The following CGAS variants were observed in gnomAD, a reference collection of about 807,000 sequenced individuals.
CGAS encodes the protein 2'3'-cGAMP synthase.
A neutral mutation model predicts 34.0 loss-of-function variants in CGAS; 31 were observed. The observed-to-expected ratio is 0.91, with a 90% CI of 0.69 to 1.23. The LOEUF (loss-of-function observed/expected upper bound fraction) is 1.23. Ranked by LOEUF, CGAS falls within the 50% of genes most tolerant of loss-of-function variation. The pLI, the probability that CGAS is intolerant of heterozygous loss-of-function variation, is 0.00. For missense variants in CGAS, 597 were observed against 657.6 expected, an observed-to-expected ratio of 0.91 and a Z score of 1.01; for synonymous variants, 266 against 260.0, an observed-to-expected ratio of 1.02 and a Z score of -0.22.
chr6:73,428,526 C>T (rs939739983), intron 4 of CGAS, among the ~76,000 whole-genome samples, 183 bp downstream of exon 4: 2 of 152,072 alleles, frequency 1.3e-5, no homozygotes, highest in African/African-American at 2.4e-5. Context: ...CTAACAACAC[C>T]CTTTCCTTGG....
chr6:73,434,900 G>A (rs573297505), intron 3 of CGAS, among the ~76,000 whole-genome samples: 1 of 152,080 alleles, frequency 6.6e-6, no homozygotes, highest in African/African-American at 2.4e-5. Context: ...TGCCCACCTC[G>A]GCCTCCCAAA....
chr6:73,428,683 G>A, intron 4 of CGAS, 26 bp downstream of exon 4: 2 of 1,588,654 alleles, frequency 1.3e-6, no homozygotes, highest in Non-Finnish European at 8.6e-7. Flanking sequence ...TAGATAATCT[G>A]TCATTTAACA....
At chr6:73,439,965 GA>G (rs1239106935) in intron 3 of CGAS, 8 of 426,668 alleles carry the variant, frequency 1.9e-5, no homozygotes, top group Non-Finnish European at 2.9e-5. Flanking sequence ...TTTCTTTACC[GA>G]AAAAAATAAA....
chr6:73,444,668 T>A (rs2150815619), intron 2 of CGAS, among the ~76,000 whole-genome samples: 1 of 152,264 alleles, frequency 6.6e-6, no homozygotes, highest in East Asian at 1.9e-4. Flanking sequence ...AATGACTGGC[T>A]TTGTATTTTA....
intron 4 of CGAS, among the ~76,000 whole-genome samples, chr6:73,426,416 T>C (rs1170124111): frequency 1.3e-5 from 2 of 151,314 alleles, no homozygotes; most frequent in African/African-American, 4.8e-5. Context: ...TTCAAATATA[T>C]GGTTTGAAGT....
chr6:73,431,288 G>T (rs911290718), intron 3 of CGAS, among the ~76,000 whole-genome samples: 1 of 151,820 alleles, frequency 6.6e-6, no homozygotes, highest in African/African-American at 2.4e-5. Flanking sequence ...GGACCAACAT[G>T]GTGAAACCCC....
Position 73,428,636 on chromosome 6 carries a change from T to G in CGAS, c.1217+73A>C, listed in dbSNP as rs571575411. On this transcript the variant is annotated intron_variant, in intron 4 of 4. Coordinates refer to ENST00000370315, the MANE Select transcript of CGAS (RefSeq NM_138441.3). ...ACCCAACCCAGCTCAGCTCTTCAGGTCTGAGGTGTGGAGTCAACAAATAAT... is the reference window on the plus strand; with the variant it reads ...ACCCAACCCAGCTCAGCTCTTCAGGGCTGAGGTGTGGAGTCAACAAATAAT... The G allele has an allele frequency of 5.1e-6, 7 of 1,380,652 alleles. No homozygotes were observed. In the East Asian group the frequency reaches 1.4e-4, roughly 27 times the overall value. The allele number at this position is 1,380,652 out of a possible 1,614,324, so 85.5% of individuals were successfully genotyped here.
At chr6:73,435,466 A>T (rs538281510) in intron 3 of CGAS, among the ~76,000 whole-genome samples, 3 of 152,298 alleles carry the variant, frequency 2.0e-5, no homozygotes, top group African/African-American at 7.2e-5. Flanking sequence ...ATATTACATA[A>T]CGATTTACTC....
chr6:73,425,543 T>C lies in CGAS; in HGVS notation c.1253A>G (p.Glu418Gly). ...GTCTTTAAACCTTTCTTTCAGCTGTTCTAAAAGGTATTTCATTAGTTTTAA... is the reference window on the plus strand; with the variant it reads ...GTCTTTAAACCTTTCTTTCAGCTGTCCTAAAAGGTATTTCATTAGTTTTAA... ...DCLKLMKYLLEQLKERFKDKK... is the reference protein window; with the variant it reads ...DCLKLMKYLLGQLKERFKDKK... The change falls in exon 5 of 5, where the codon GAA (glutamate) becomes GGA (glycine). Residue 418 changes from glutamate (E) to glycine (G), a missense_variant. Physicochemically the swap from Glu to Gly is moderately conservative, Grantham distance 98. Coordinates refer to ENST00000370315, the MANE Select transcript of CGAS (RefSeq NM_138441.3). The C allele has an allele frequency of 6.2e-7, 1 of 1,602,120 alleles. No individual in the cohort carries two copies. The highest frequency in any genetic ancestry group is 8.5e-7 in the Non-Finnish European group (1 of 1,175,920).
chr6:73,437,830 G>A (rs574112963), intron 3 of CGAS, among the ~76,000 whole-genome samples: 11 of 152,074 alleles, frequency 7.2e-5, no homozygotes, highest in Non-Finnish European at 1.3e-4. Flanking sequence ...ATCTTTGGGA[G>A]ATGGAGATGG....
At chr6:73,438,318 G>A (rs879496563) in intron 3 of CGAS, among the ~76,000 whole-genome samples, 1 of 152,116 alleles carries the variant, frequency 6.6e-6, no homozygotes, top group African/African-American at 2.4e-5. Context: ...ATGCAGAACA[G>A]CCAAGGGTAA....
intron 3 of CGAS, among the ~76,000 whole-genome samples, chr6:73,433,699 G>A (rs1213678161): frequency 6.6e-6 from 1 of 151,164 alleles, no homozygotes; most frequent in East Asian, 2.0e-4. Flanking sequence ...ATGTTGGCCA[G>A]GATGGTCTCG....
At chr6:73,442,661 C>T (rs972912625) in intron 2 of CGAS, among the ~76,000 whole-genome samples, 1 of 147,958 alleles carries the variant, frequency 6.8e-6, no homozygotes. Context: ...TGCAGTGGCG[C>T]AATCTCAGCT....
chr6:73,435,572 G>GA (rs1377452702), intron 3 of CGAS, among the ~76,000 whole-genome samples: 2 of 151,482 alleles, frequency 1.3e-5, no homozygotes, highest in Non-Finnish European at 2.9e-5. Context: ...TAAATTAAAA[G>GA]AAAAAAAGTG....
Position 73,451,647 on chromosome 6 carries a change from TATC to T in CGAS, c.532_534del (p.Asp178del). ...TTCACCATCCCCGCCGCCGTGGAGA[TATC>T]ATCGCGGCTGAGCTTCAACTTCTCC... On this transcript the variant is annotated inframe_deletion, in exon 1 of 5. Coordinates refer to ENST00000370315, the MANE Select transcript of CGAS (RefSeq NM_138441.3). The T allele has an allele frequency of 6.2e-6, 10 of 1,614,066 alleles. No individual in the cohort carries two copies. Among genetic ancestry groups the T allele is most frequent in the Non-Finnish European group, 8.5e-6 (10 of 1,180,006 alleles).
At chr6:73,447,554 A>G (rs1174672726) in intron 1 of CGAS, among the ~76,000 whole-genome samples, 1 of 152,150 alleles carries the variant, frequency 6.6e-6, no homozygotes, top group Non-Finnish European at 1.5e-5. Flanking sequence ...AAGTGCTGGG[A>G]TTATAGGCGT....
intron 2 of CGAS, among the ~76,000 whole-genome samples, chr6:73,441,645 C>G (rs1770382516): frequency 6.6e-6 from 1 of 152,124 alleles, no homozygotes; most frequent in Admixed American, 6.6e-5. Context: ...ACCTGTGGGA[C>G]ACTCAAGTGG....
chr6:73,438,862 G>A (rs926439913), intron 3 of CGAS, among the ~76,000 whole-genome samples: 3 of 152,128 alleles, frequency 2.0e-5, no homozygotes, highest in Non-Finnish European at 4.4e-5. Flanking sequence ...TTACAGTGAG[G>A]GTTTCCTGGG....
chr6:73,445,151 A>G (rs1028318482), intron 2 of CGAS, among the ~76,000 whole-genome samples: 1 of 152,050 alleles, frequency 6.6e-6, no homozygotes, highest in Non-Finnish European at 1.5e-5. Context: ...TATAGGTGGC[A>G]TTGGGAATGG....
Sources: gnomAD v4.1 joint callset for allele counts (sites outside exome capture counted in the v4.1 genomes callset) on GRCh38, gnomAD v4.1.1 for gene constraint, MANE v1.5 for transcripts, NCBI Gene and HGNC (gene_info 2026-07-23, HGNC 2026-07-21) for gene names.